The following CYP4B1 variants were observed in gnomAD, a reference collection of about 807,000 sequenced individuals.
The protein encoded by CYP4B1 is cytochrome P450 4B1.
In CYP4B1, 45 loss-of-function variants were observed where a neutral mutation model predicts 54.0. The observed-to-expected ratio is 0.83, with a 90% CI of 0.66 to 1.07. The LOEUF (loss-of-function observed/expected upper bound fraction) is 1.07. Ranked by LOEUF, CYP4B1 falls within the 50% of genes least tolerant of loss-of-function variation. The pLI, the probability that CYP4B1 is intolerant of heterozygous loss-of-function variation, is 0.00. For synonymous variants in CYP4B1, 248 were observed against 247.5 expected (o/e 1.00, Z -0.02); for missense variants, 656 against 655.4 (o/e 1.00, Z -0.01).
At chr1:46,806,058 A>G (rs1259038864) in intron 1 of CYP4B1, among the ~76,000 whole-genome samples, 1 of 152,212 alleles carries the variant, frequency 6.6e-6, no homozygotes, top group South Asian at 2.1e-4. Flanking sequence ...CTTTCACTTT[A>G]GCGACTAAGA....
intron 3 of CYP4B1, among the ~76,000 whole-genome samples, chr1:46,811,879 C>T (rs45462392): frequency 0.035 from 5,303 of 152,240 alleles, 300 homozygotes; most frequent in African/African-American, 0.12. Context: ...CATTCCCAAT[C>T]CTATTTACTC....
chr1:46,805,176 T>C (rs531716688), intron 1 of CYP4B1, among the ~76,000 whole-genome samples: 5 of 152,364 alleles, frequency 3.3e-5, no homozygotes, highest in East Asian at 1.9e-4. Flanking sequence ...CTGCATCCCC[T>C]TGGACTCTTG....
intron 1 of CYP4B1, among the ~76,000 whole-genome samples, chr1:46,806,313 C>T (rs999527415): frequency 1.3e-5 from 2 of 152,164 alleles, no homozygotes; most frequent in Non-Finnish European, 2.9e-5. Context: ...AAACTCTTAT[C>T]CCCATTTTGT....
At chr1:46,801,485 C>T (rs549293325) in intron 1 of CYP4B1, among the ~76,000 whole-genome samples, 11 of 151,860 alleles carry the variant, frequency 7.2e-5, no homozygotes, top group African/African-American at 2.7e-4. Context: ...GGAACACAGT[C>T]TAGCTTTGGC....
chr1:46,811,402 A>G (rs903368977), intron 3 of CYP4B1, among the ~76,000 whole-genome samples: 1 of 152,212 alleles, frequency 6.6e-6, no homozygotes, highest in Non-Finnish European at 1.5e-5. Flanking sequence ...GATTCTCTAG[A>G]CAGGGCAAAG....
chr1:46,815,179 T>C lies in CYP4B1; in HGVS notation c.988T>C (p.Tyr330His). 6.2e-7 allele frequency: 1 copy of C among 1,613,830 alleles called. No individual in the cohort carries two copies. The highest frequency in any genetic ancestry group is 1.7e-4 in the Middle Eastern group (1 of 6,058). Reference protein sequence around the residue: ...TTTSGISWFLYCMALYPEHQH... With the variant: ...TTTSGISWFLHCMALYPEHQH... Reference sequence around the variant, plus strand: ...CACCAGTGGTATCTCCTGGTTTCTCTACTGCATGGCCCTGTACCCTGAGCA... The same window carrying C: ...CACCAGTGGTATCTCCTGGTTTCTCCACTGCATGGCCCTGTACCCTGAGCA... The change falls in exon 8 of 12, where the codon TAC becomes CAC. Residue 330 changes from tyrosine to histidine, a missense_variant. Coordinates refer to ENST00000371923, the MANE Select transcript of CYP4B1 (RefSeq NM_001099772.2).
intron 1 of CYP4B1, among the ~76,000 whole-genome samples, chr1:46,803,261 G>A (rs1344544425): frequency 6.6e-6 from 1 of 152,208 alleles, no homozygotes; most frequent in African/African-American, 2.4e-5. Flanking sequence ...GGAGGCTAGG[G>A]TGGAGGTGAT....
At chr1:46,817,540 G>A (rs1047748579) in intron 9 of CYP4B1, among the ~76,000 whole-genome samples, 2 of 152,220 alleles carry the variant, frequency 1.3e-5, no homozygotes, top group African/African-American at 4.8e-5. Flanking sequence ...CTGCACAACT[G>A]TATGTGGTAG....
At position 46,812,613 on chromosome 1, in the gene CYP4B1, G is replaced by A. The variant is rs753414725; in HGVS notation, c.485G>A (p.Arg162His). Residue 162 changes from arginine (R) to histidine (H), a missense_variant, in exon 4 of 12, where the codon CGT becomes CAT. Transcript: ENST00000371923. ...GTGGCCGTGTTCACTGAGTCTACACGTATCATGCTGGTGAGCTCCCTGTGC... is the reference window on the plus strand; with the variant it reads ...GTGGCCGTGTTCACTGAGTCTACACATATCATGCTGGTGAGCTCCCTGTGC... ...PYVAVFTEST[R>H]IMLDKWEEKA... 7 of 1,613,722 alleles carry A rather than the reference G, an allele frequency of 4.3e-6. No homozygotes were observed. The highest frequency in any genetic ancestry group is 2.7e-5 in the African/African-American group (2 of 74,928).
At chr1:46,816,090 A>T (rs1264075207) in intron 8 of CYP4B1, among the ~76,000 whole-genome samples, 1 of 152,144 alleles carries the variant, frequency 6.6e-6, no homozygotes, top group Non-Finnish European at 1.5e-5. Flanking sequence ...TCTGTTGGTC[A>T]TATGTGAGAA....
At chr1:46,811,285 C>A in intron 3 of CYP4B1, 101 bp downstream of exon 3, 1 of 1,278,114 alleles carries the variant, frequency 7.8e-7, no homozygotes, top group African/African-American at 1.5e-5. Flanking sequence ...TCCCAGATGG[C>A]CTAGTTCTCG....
chr1:46,810,741 A>G (rs1453602942), intron 1 of CYP4B1, 67 bp from the exon 2 acceptor site: 1 of 1,588,872 alleles, frequency 6.3e-7, no homozygotes. Context: ...CTGCCCTCCC[A>G]GGGACTTGGG....
At chr1:46,813,750 A>C in intron 5 of CYP4B1, 144 bp downstream of exon 5, 2 of 1,422,820 alleles carry the variant, frequency 1.4e-6, no homozygotes, top group Non-Finnish European at 1.9e-6. Flanking sequence ...GGACCTGCTC[A>C]TGGTGGGGTA....
chr1:46,800,079 C>T (rs1209463783), intron 1 of CYP4B1, among the ~76,000 whole-genome samples: 19 of 152,160 alleles, frequency 1.2e-4, no homozygotes. Flanking sequence ...CTGCAGCCAG[C>T]TTGGGGAATC....
intron 1 of CYP4B1, among the ~76,000 whole-genome samples, chr1:46,808,213 T>C (rs1678937852): frequency 1.3e-5 from 2 of 152,158 alleles, no homozygotes; most frequent in Admixed American, 6.5e-5. Context: ...CCCTGAGGAA[T>C]CGCCACACTG....
At position 46,815,071 on chromosome 1, in the gene CYP4B1, C is replaced by T. The variant is rs775722853; in HGVS notation, c.883-3C>T. 1.0e-4 allele frequency: 163 copies of T among 1,610,266 alleles called. No homozygotes were observed. The highest frequency in any genetic ancestry group is 1.2e-4 in the Non-Finnish European group (145 of 1,178,258). ...CTGTCCTATTATGCCTTCCCTAACC[C>T]AGGATGAAGATGACATCAAACTGTC... On this transcript the variant is annotated splice_polypyrimidine_tract_variant and splice_region_variant and intron_variant, in intron 7 of 11. Transcript: ENST00000371923.
rs756587501 is a variant in CYP4B1 at position 46,800,244 on chromosome 1, TCCTTCCTTCC to T, written c.180+984_180+993del. 1.4e-3 allele frequency among the ~76,000 whole-genome samples: 112 copies of T among 79,218 alleles called. 18 individuals carry two copies. The highest frequency in any genetic ancestry group is 1.7e-3 in the East Asian group (4 of 2,320). The allele number at this position is 79,218 out of a possible 152,430, so 52.0% of individuals were successfully genotyped here. The stretch of plus-strand genomic sequence containing the variant: ...TTCTCTCTTTCTTTCTTTCTTTCCT[TCCTTCCTTCC>T]TTCCTTCCTTCCTTCCTTCCTTCCT... On this transcript the variant is annotated intron_variant, in intron 1 of 11. Coordinates refer to ENST00000371923, the MANE Select transcript of CYP4B1 (RefSeq NM_001099772.2).
intron 1 of CYP4B1, among the ~76,000 whole-genome samples, chr1:46,806,014 A>T (rs761346698): frequency 2.6e-5 from 4 of 152,212 alleles, no homozygotes; most frequent in Non-Finnish European, 5.9e-5. Flanking sequence ...GTGGTCCCAG[A>T]GGGAGACCCA....
intron 1 of CYP4B1, among the ~76,000 whole-genome samples, chr1:46,809,981 A>C (rs1557493781): frequency 6.6e-6 from 1 of 152,174 alleles, no homozygotes; most frequent in African/African-American, 2.4e-5. Flanking sequence ...GACATGTACC[A>C]CCCTCTGGAT....
Sources: gnomAD v4.1 joint callset for allele counts (sites outside exome capture counted in the v4.1 genomes callset) on GRCh38, gnomAD v4.1.1 for gene constraint, MANE v1.5 for transcripts, NCBI Gene and HGNC (gene_info 2026-07-23, HGNC 2026-07-21) for gene names.